Variants in VPS35L observed in about 807,000 individuals in gnomAD.
VPS35L encodes the protein VPS35 endosomal protein-sorting factor-like.
Under a neutral mutation model 133.0 loss-of-function variants are expected in VPS35L, and 83 were observed. The ratio of observed to expected loss-of-function variants is 0.62; its 90% confidence interval spans 0.52 to 0.75. VPS35L has a LOEUF of 0.75. VPS35L is among the 30% of genes least tolerant of loss of function. The pLI is 0.00. For missense variants in VPS35L, 1,083 were observed against 1,206.8 expected (o/e 0.90, Z 1.52); for synonymous variants, 423 against 449.9 (o/e 0.94, Z 0.76).
chr16:19,604,211 A>G (rs1231397012), intron 9 of VPS35L, among the ~76,000 whole-genome samples: 2 of 151,542 alleles, frequency 1.3e-5, no homozygotes, highest in African/African-American at 4.9e-5. Flanking sequence ...TATATACCCA[A>G]CCTCTTAAAA....
intron 8 of VPS35L, among the ~76,000 whole-genome samples, chr16:19,593,483 G>C (rs1274392162): frequency 6.6e-6 from 1 of 152,228 alleles, no homozygotes; most frequent in African/African-American, 2.4e-5. Context: ...GGAGGCCTGA[G>C]TGCGCTAGCT....
At chr16:19,700,034 C>T (rs1345402277) in intron 30 of VPS35L, among the ~76,000 whole-genome samples, 1 of 152,168 alleles carries the variant, frequency 6.6e-6, no homozygotes, top group African/African-American at 2.4e-5. Context: ...GAGTTCGAGG[C>T]TGCAGTGAGC....
At chr16:19,628,531 C>T in intron 16 of VPS35L, 106 bp from the exon 17 acceptor site, 2 of 586,884 alleles carry the variant, frequency 3.4e-6, no homozygotes, top group Non-Finnish European at 5.9e-6. Context: ...GAAGATTAGC[C>T]CCAAGAAGGA....
intron 1 of VPS35L, 65 bp from the exon 2 acceptor site, chr16:19,564,783 CTCA>C: frequency 9.7e-7 from 1 of 1,031,446 alleles, no homozygotes; most frequent in Non-Finnish European, 1.5e-6. Flanking sequence ...TTGAAGAAGT[CTCA>C]TCAGAAGTTT....
chr16:19,569,389 G>C (rs8062210), intron 2 of VPS35L, 35 bp from the exon 3 acceptor site: 105,305 of 1,596,662 alleles, frequency 0.066, 4,970 homozygotes, highest in African/African-American at 0.24. Flanking sequence ...AGAGTTGTGG[G>C]AGTTCCGTTT....
chr16:19,669,226 G>A lies in VPS35L; in HGVS notation c.2288G>A (p.Gly763Glu). 1.9e-6 allele frequency: 3 copies of A among 1,612,924 alleles called. No homozygotes were observed. The African/African-American group carries it at 4.0e-5, about 21-fold the overall frequency. The change falls in exon 27 of 31, where the codon GGG becomes GAG. Residue 763 changes from glycine (G) to glutamate (E), a missense_variant. Physicochemically the swap from Gly to Glu is moderately conservative, Grantham distance 98. Transcript: ENST00000417362. ...PEVPKMINID[G>E]KMRPSESFLL... Reference sequence around the variant, plus strand: ...GTTCCAAAGATGATTAATATTGATGGGAAGATGCGGCCATCGGAATCGTTC... The same window carrying A: ...GTTCCAAAGATGATTAATATTGATGAGAAGATGCGGCCATCGGAATCGTTC...
Position 19,700,375 on chromosome 16 carries a change from T to C in VPS35L, c.2794-3T>C, listed in dbSNP as rs771514457. 35 of 1,612,160 alleles carry C rather than the reference T, an allele frequency of 2.2e-5. No homozygotes were observed. The highest frequency in any genetic ancestry group is 1.6e-4 in the Middle Eastern group (1 of 6,080). ...GGAGATGGATCTTTCTTTTTCCTCA[T>C]AGGTGAAAACGCTAGAATACATCAA... On this transcript the variant is annotated splice_polypyrimidine_tract_variant and splice_region_variant and intron_variant, in intron 30 of 30. Transcript: ENST00000417362.
chr16:19,688,312 G>A (rs1345362637), intron 28 of VPS35L, among the ~76,000 whole-genome samples: 1 of 152,160 alleles, frequency 6.6e-6, no homozygotes, highest in Non-Finnish European at 1.5e-5. Flanking sequence ...GTGTATCTGA[G>A]ACAGTATCCT....
chr16:19,640,382 G>A (rs1051933034), intron 21 of VPS35L, among the ~76,000 whole-genome samples: 6 of 152,306 alleles, frequency 3.9e-5, no homozygotes, highest in East Asian at 3.9e-4. Flanking sequence ...TTTGTCATTC[G>A]TGTTTAAGAA....
rs566887803 is a variant in VPS35L at position 19,574,947 on chromosome 16, G to T, written c.409-151G>T. Reference sequence around the variant, plus strand: ...GACTTTGAGAACCCTGACTTGAGTAGAAATTTGAATCTCCAGTGGTTTTTA... The same window carrying T: ...GACTTTGAGAACCCTGACTTGAGTATAAATTTGAATCTCCAGTGGTTTTTA... On this transcript the variant is annotated intron_variant, in intron 4 of 30. Transcript: ENST00000417362. 1.2e-5 allele frequency: 8 copies of T among 640,164 alleles called. No homozygotes were observed. In the Admixed American group the frequency reaches 2.2e-4, roughly 17 times the overall value. 39.7% of individuals were successfully genotyped at this position (640,164 alleles called of 1,614,324 possible). A position where few individuals can be genotyped will look rare whatever the true frequency, so the allele number is the denominator to read the frequency against.
intron 1 of VPS35L, 116 bp downstream of exon 1, chr16:19,555,862 A>C: frequency 1.4e-6 from 2 of 1,390,404 alleles, no homozygotes; most frequent in African/African-American, 1.5e-5. Context: ...TCGACCGGCC[A>C]CCCCCAAGTT....
intron 23 of VPS35L, among the ~76,000 whole-genome samples, chr16:19,645,429 A>G (rs1485652117): frequency 6.6e-6 from 1 of 151,790 alleles, no homozygotes; most frequent in East Asian, 1.9e-4. Context: ...AGCTGGGACT[A>G]CAGGCGCCCG....
intron 21 of VPS35L, among the ~76,000 whole-genome samples, chr16:19,641,410 G>A (rs1973784955): frequency 1.3e-5 from 2 of 151,966 alleles, no homozygotes; most frequent in South Asian, 4.2e-4. Flanking sequence ...AATGTATTAG[G>A]CAGTTTATAA....
intron 8 of VPS35L, among the ~76,000 whole-genome samples, chr16:19,595,047 C>G (rs1230551763): frequency 6.6e-6 from 1 of 152,016 alleles, no homozygotes. Flanking sequence ...ACCAAGGAGG[C>G]CAAGAGAGAG....
intron 26 of VPS35L, 34 bp downstream of exon 26, chr16:19,652,124 C>T: frequency 6.9e-7 from 1 of 1,440,772 alleles, no homozygotes; most frequent in Non-Finnish European, 9.6e-7. Context: ...CGGGCACTCC[C>T]TTGCTGCTTA....
intron 26 of VPS35L, among the ~76,000 whole-genome samples, chr16:19,660,325 C>A (rs1974441419): frequency 6.8e-6 from 1 of 147,740 alleles, no homozygotes; most frequent in South Asian, 2.2e-4. Flanking sequence ...GTGACCCTGT[C>A]TCAAAAAAAA....
At chr16:19,670,872 CGAT>C (rs1244061513) in intron 27 of VPS35L, among the ~76,000 whole-genome samples, 2 of 152,096 alleles carry the variant, frequency 1.3e-5, no homozygotes, top group African/African-American at 4.8e-5. Flanking sequence ...ACCTTTCACT[CGAT>C]GAATTACAGG....
chr16:19,571,064 G>T (rs539419643), intron 3 of VPS35L, among the ~76,000 whole-genome samples: 3 of 150,906 alleles, frequency 2.0e-5, no homozygotes, highest in Non-Finnish European at 4.4e-5. Context: ...GTAGAGACGG[G>T]GTTTCACTAT....
intron 26 of VPS35L, among the ~76,000 whole-genome samples, chr16:19,654,052 T>A (rs1057145172): frequency 2.6e-5 from 4 of 152,194 alleles, no homozygotes; most frequent in African/African-American, 9.6e-5. Flanking sequence ...TTCTGTTCTT[T>A]GAACACACTC....
Sources: gnomAD v4.1 joint callset for allele counts (sites outside exome capture counted in the v4.1 genomes callset) on GRCh38, gnomAD v4.1.1 for gene constraint, MANE v1.5 for transcripts, NCBI Gene and HGNC (gene_info 2026-07-23, HGNC 2026-07-21) for gene names.